Variants in MGAM observed in about 807,000 individuals in gnomAD.
MGAM encodes the protein alpha-1,4-glucosidase.
Under a neutral mutation model 358.8 loss-of-function variants are expected in MGAM, and 253 were observed. The observed-to-expected ratio is 0.71, with a 90% CI of 0.64 to 0.78. The LOEUF (loss-of-function observed/expected upper bound fraction) is 0.78. Ranked by LOEUF, MGAM falls within the 30% of genes least tolerant of loss-of-function variation. The probability of loss-of-function intolerance (pLI) is 0.00; values close to 1 mark genes in which losing one functional copy is unlikely to be tolerated. For missense variants in MGAM, 3,080 were observed against 3,432.6 expected, an observed-to-expected ratio of 0.90 and a Z score of 2.57; for synonymous variants, 1,105 against 1,227.1, an observed-to-expected ratio of 0.90 and a Z score of 2.08.
chr7:142,043,115 A>C (rs1376712960), intron 21 of MGAM, among the ~76,000 whole-genome samples: 3 of 33,220 alleles, frequency 9.0e-5, no homozygotes, highest in African/African-American at 3.3e-4. Context: ...ATAATATCTA[A>C]ATATAATATA....
At chr7:142,090,495 A>G (rs1815279671) in intron 57 of MGAM, among the ~76,000 whole-genome samples, 1 of 145,646 alleles carries the variant, frequency 6.9e-6, no homozygotes, top group South Asian at 2.2e-4. Context: ...TTCTGTCAAG[A>G]TTCTCCGTGA....
upstream of MGAM, among the ~76,000 whole-genome samples, chr7:141,993,319 A>G (rs560200304): frequency 6.6e-6 from 1 of 152,370 alleles, no homozygotes; most frequent in East Asian, 1.9e-4. Flanking sequence ...AATATATCAC[A>G]GACTGTGGCT....
chr7:142,049,397 CTT>C (rs1051347676), intron 22 of MGAM, among the ~76,000 whole-genome samples: 9 of 152,116 alleles, frequency 5.9e-5, no homozygotes, highest in African/African-American at 2.2e-4. Context: ...TTGGCAATGA[CTT>C]TTTGGATATG....
chr7:142,063,584 C>T lies in MGAM; in HGVS notation c.4343C>T (p.Pro1448Leu). 6.2e-7 allele frequency: 1 copy of T among 1,613,218 alleles called. No individual in the cohort carries two copies. The highest frequency in any genetic ancestry group is 8.5e-7 in the Non-Finnish European group (1 of 1,179,532). ...DASLNHPPYM[P>L]HLESRDRGLS... ...TCTCTGAACCACCCTCCCTACATGC[C>T]ACGTAAGAAGCCTTGGCCTCCTTGA... Residue 1448 changes from proline to leucine, a missense_variant and splice_region_variant, in exon 36 of 71, where the codon CCA becomes CTA. Physicochemically the swap from Pro to Leu is moderately conservative, Grantham distance 98 (BLOSUM62 -3). Coordinates refer to ENST00000475668, the MANE Select transcript of MGAM (RefSeq NM_001365693.1).
intron 1 of MGAM, among the ~76,000 whole-genome samples, chr7:142,000,259 G>A (rs1199971584): frequency 6.6e-6 from 1 of 152,180 alleles, no homozygotes; most frequent in Admixed American, 6.5e-5. Context: ...CTGTAGTCAT[G>A]TGAAGGCTTG....
At chr7:141,992,538 C>T (rs1803993598), upstream of MGAM, among the ~76,000 whole-genome samples, 1 of 152,094 alleles carries the variant, frequency 6.6e-6, no homozygotes, top group Non-Finnish European at 1.5e-5. Flanking sequence ...TGCCTTGGGG[C>T]CATTGTGAAC....
chr7:142,044,715 A>G (rs1809796967), intron 21 of MGAM, among the ~76,000 whole-genome samples: 1 of 92,940 alleles, frequency 1.1e-5, no homozygotes, highest in Non-Finnish European at 2.1e-5. Context: ...CACGTGTAAT[A>G]TATGATGTAT....
In MGAM at chr7:142,058,192, CT is replaced by C. The variant is rs533730484; in HGVS notation, c.3694-10del. On this transcript the variant is annotated splice_polypyrimidine_tract_variant and intron_variant, in intron 30 of 70. Coordinates refer to ENST00000475668, the MANE Select transcript of MGAM (RefSeq NM_001365693.1). ...TGTTCTGAAGACTAATATTTTCTGT[CT>C]ATTTTCTAGTTGATTGGCCGGCCTG... is the stretch of plus-strand genomic sequence containing the variant. 1,225 of 1,613,692 alleles carry C rather than the reference CT, an allele frequency of 7.6e-4. 3 individuals carry two copies. The highest frequency in any genetic ancestry group is 1.3e-3 in the Admixed American group (78 of 59,998).
chr7:142,022,366 T>C lies in MGAM; in HGVS notation c.809T>C (p.Val270Ala), dbSNP rs782505210. The C allele has an allele frequency of 6.2e-7, 1 of 1,613,742 alleles. No homozygotes were observed. The highest frequency in any genetic ancestry group is 8.5e-7 in the Non-Finnish European group (1 of 1,179,724). Reference protein sequence around the residue: ...STNVYGLGEHVHQQYRHDMNW... With the variant: ...STNVYGLGEHAHQQYRHDMNW... ...AACGTGTATGGCCTGGGAGAGCATG[T>C]GCACCAGCAGTATCGGCATGATATG... Residue 270 changes from valine (V) to alanine (A), a missense_variant, in exon 7 of 71, where the codon GTG (valine) becomes GCG (alanine). Transcript: ENST00000475668.
intron 24 of MGAM, 54 bp downstream of exon 24, chr7:142,050,918 A>G (rs1240454317): frequency 1.2e-6 from 2 of 1,610,754 alleles, no homozygotes; most frequent in Non-Finnish European, 1.7e-6. Flanking sequence ...TAGCATCGTG[A>G]TGTTCCTTCT....
Position 142,095,860 on chromosome 7 carries a change from A to G in MGAM, c.7607+147A>G, listed in dbSNP as rs973056730. On this transcript the variant is annotated intron_variant, in intron 64 of 70. Coordinates refer to ENST00000475668, the MANE Select transcript of MGAM (RefSeq NM_001365693.1). ...ACCATACTTTATTACTCTCTTTAGC[A>G]CAGTGCTATACATGCCTTAGGTCAT... The G allele has an allele frequency of 4.9e-6, 6 of 1,212,272 alleles. No homozygotes were observed. The Admixed American group carries it at 6.9e-5, about 14-fold the overall frequency. The allele number at this position is 1,212,272 out of a possible 1,614,324, so 75.1% of individuals were successfully genotyped here. A position where few individuals can be genotyped will look rare whatever the true frequency, so the allele number is the denominator to read the frequency against.
At chr7:142,067,766 A>C in intron 42 of MGAM, among the ~76,000 whole-genome samples, 1 of 136,252 alleles carries the variant, frequency 7.3e-6, no homozygotes, top group East Asian at 2.2e-4. Context: ...GTCCTCTAGC[A>C]CTATTACAAC....
At position 142,096,360 on chromosome 7, in the gene MGAM, TAGAC is replaced by T. The variant is rs1815907398; in HGVS notation, c.7640_7643del (p.Asp2547ValfsTer73). On this transcript the variant is annotated frameshift_variant, in exon 65 of 71. Coordinates refer to ENST00000475668, the MANE Select transcript of MGAM (RefSeq NM_001365693.1). LOFTEE classifies it high-confidence loss of function. ...GTGTCAGACCAGGTGACATGGGACA[TAGAC>T]AGTCAGTTCCTGCTGGGCCCAGCCT... The T allele has an allele frequency of 6.2e-7, 1 of 1,613,602 alleles. No homozygotes were observed. Among genetic ancestry groups the T allele is most frequent in the African/African-American group, 1.3e-5 (1 of 74,898 alleles).
chr7:142,034,271 A>G lies in MGAM; in HGVS notation c.1679A>G (p.Asp560Gly). The part of the protein sequence containing the change: ...NNPPFTPRIL[D>G]GYLFCKTLCM... ...CCTGCTTTTGTTTCAGGAATCCTGG[A>G]TGGGTACCTGTTCTGCAAGACTCTC... Residue 560 changes from aspartate to glycine, a missense_variant, in exon 15 of 71, where the codon GAT (aspartate) becomes GGT (glycine). Around this residue, in one of 5 missense-constraint regions of MGAM, gnomAD observed 1,816 missense variants for 1,840.5 expected, o/e 0.99. Transcript: ENST00000475668. 1 of 1,589,466 alleles carries G rather than the reference A, an allele frequency of 6.3e-7. No homozygotes were observed. Among genetic ancestry groups the G allele is most frequent in the South Asian group, 1.1e-5 (1 of 87,196 alleles).
rs1164477816 is a variant in MGAM, at chr7:142,045,724, A to G, written c.2499-2061A>G. 8.0e-4 allele frequency among the ~76,000 whole-genome samples: 64 copies of G among 80,072 alleles called. 9 individuals are homozygous for G. The highest frequency in any genetic ancestry group is 2.8e-3 in the African/African-American group (56 of 20,336). 52.5% of individuals were successfully genotyped at this position (80,072 alleles called of 152,430 possible). A position where few individuals can be genotyped will look rare whatever the true frequency, so the allele number is the denominator to read the frequency against. On this transcript the variant is annotated intron_variant, in intron 21 of 70. Coordinates refer to ENST00000475668, the MANE Select transcript of MGAM (RefSeq NM_001365693.1). ...TATGAATATATAATATATAATATAT[A>G]CATACAATGTATGAATATATAATAT...
In MGAM at chr7:142,032,033, CTTT is replaced by C. The variant is rs371378447; in HGVS notation, c.1584+259_1584+261del. ...AGAATTTTTTTTCCCAAGTCTAGCT[CTTT>C]TTTTTTTTTTTTTTTTTTACGAAGG... On this transcript the variant is annotated intron_variant, in intron 13 of 70. Coordinates refer to ENST00000475668, the MANE Select transcript of MGAM (RefSeq NM_001365693.1). 4.9e-3 allele frequency among the ~76,000 whole-genome samples: 602 copies of C among 122,304 alleles called. 8 individuals carry two copies. The highest frequency in any genetic ancestry group is 0.017 in the African/African-American group (565 of 34,056). The allele number at this position is 122,304 out of a possible 152,430, so 80.2% of individuals were successfully genotyped here.
intron 36 of MGAM, 72 bp from the exon 37 acceptor site, chr7:142,064,312 A>G (rs1050551077): frequency 1.9e-6 from 3 of 1,550,514 alleles, no homozygotes; most frequent in African/African-American, 1.4e-5. Flanking sequence ...TCCAGGGCCC[A>G]GTCCCTTGAA....
chr7:142,104,014 G>A (rs62479375), intron 70 of MGAM, among the ~76,000 whole-genome samples: 37,727 of 151,880 alleles, frequency 0.25, 5,644 homozygotes, highest in Non-Finnish European at 0.33. Flanking sequence ...CACTATGCCC[G>A]GCTAATTTTT....
chr7:141,991,104 G>A (rs566637987), upstream of MGAM, among the ~76,000 whole-genome samples: 2 of 152,304 alleles, frequency 1.3e-5, no homozygotes, highest in East Asian at 3.9e-4. Context: ...TCGCCTTTGT[G>A]CCTCAGGTTT....
Sources: gnomAD v4.1 joint callset for allele counts (sites outside exome capture counted in the v4.1 genomes callset) on GRCh38, gnomAD v4.1.1 for gene constraint, gnomAD v4.1.1 regional missense constraint, MANE v1.5 for transcripts, NCBI Gene and HGNC (gene_info 2026-07-23, HGNC 2026-07-21) for gene names.